The following KYNU variants were observed in gnomAD, a reference collection of about 807,000 sequenced individuals.
KYNU encodes the protein kynureninase.
In KYNU, 54 loss-of-function variants were observed where a neutral mutation model predicts 59.2. That is an observed-to-expected ratio of 0.91 (90% confidence interval 0.73 to 1.14). The LOEUF (loss-of-function observed/expected upper bound fraction) is 1.14. Among genes scored for constraint, KYNU ranks in the 50% most tolerant of loss-of-function variants. The pLI is 0.00. For missense variants in KYNU, 567 were observed against 554.4 expected, an observed-to-expected ratio of 1.02 and a Z score of -0.23; for synonymous variants, 177 against 192.0, an observed-to-expected ratio of 0.92 and a Z score of 0.65.
intron 10 of KYNU, among the ~76,000 whole-genome samples, chr2:143,028,622 G>C (rs1686647755): frequency 6.7e-6 from 1 of 150,372 alleles, no homozygotes; most frequent in Non-Finnish European, 1.5e-5. Flanking sequence ...GAGGCGGGCT[G>C]ATCACCTGAG....
chr2:142,917,178 C>A (rs540197347), intron 2 of KYNU, among the ~76,000 whole-genome samples: 2 of 152,222 alleles, frequency 1.3e-5, no homozygotes, highest in East Asian at 3.9e-4. Flanking sequence ...AAGGTAAATA[C>A]AATAAATGCT....
At chr2:143,012,105 G>A (rs913345315) in intron 10 of KYNU, among the ~76,000 whole-genome samples, 5 of 151,566 alleles carry the variant, frequency 3.3e-5, no homozygotes, top group South Asian at 2.1e-4. Flanking sequence ...TCCCCAAAGC[G>A]GAGGGTGTCC....
At chr2:142,894,501 A>G (rs992178578) in intron 2 of KYNU, among the ~76,000 whole-genome samples, 32 of 152,188 alleles carry the variant, frequency 2.1e-4, no homozygotes, top group Admixed American at 2.6e-4. Context: ...ATTTTACAAC[A>G]TGAGCACCTC....
At chr2:142,937,038 T>C (rs1412350999) in intron 4 of KYNU, among the ~76,000 whole-genome samples, 2 of 151,816 alleles carry the variant, frequency 1.3e-5, no homozygotes, top group African/African-American at 2.4e-5. Flanking sequence ...GGGATAAAGG[T>C]TTTATAGTCT....
chr2:143,031,933 A>G (rs890653800), intron 11 of KYNU, among the ~76,000 whole-genome samples: 4 of 152,130 alleles, frequency 2.6e-5, no homozygotes, highest in Non-Finnish European at 5.9e-5. Flanking sequence ...CAAGGCACAT[A>G]TGAGGTGATG....
At chr2:143,029,730 A>G (rs769964137) in intron 11 of KYNU, 51 bp downstream of exon 11, 23 of 1,067,016 alleles carry the variant, frequency 2.2e-5, no homozygotes, top group African/African-American at 7.8e-5. Context: ...CTTTATTTCA[A>G]TGTTCATCTG....
intron 2 of KYNU, among the ~76,000 whole-genome samples, chr2:142,898,794 T>C (rs746531049): frequency 7.9e-5 from 12 of 152,138 alleles, no homozygotes; most frequent in Non-Finnish European, 1.6e-4. Context: ...ATTCCAAGAA[T>C]GGAATCTTGG....
At position 143,049,975 on chromosome 2, in the gene KYNU, T is replaced by C. The variant is rs1687235724; in HGVS notation, c.*7803T>C. 1 of 149,710 alleles carries C rather than the reference T, an allele frequency of 6.7e-6. No homozygotes were observed. The highest frequency in any genetic ancestry group is 2.4e-5 in the African/African-American group (1 of 41,038). 9.3% of individuals were successfully genotyped at this position (149,710 alleles called of 1,614,324 possible). A position where few individuals can be genotyped will look rare whatever the true frequency, so the allele number is the denominator to read the frequency against. On this transcript the variant is annotated 3_prime_UTR_variant, in exon 14 of 14. Coordinates refer to ENST00000264170, the MANE Select transcript of KYNU (RefSeq NM_003937.3). ...CACTTTAAATTCTTGTTTTCGGTTT[T>C]TTTCCAATCACATAAGTAGGATTTA...
At chr2:143,014,309 A>G (rs1387199517) in intron 10 of KYNU, among the ~76,000 whole-genome samples, 2 of 152,168 alleles carry the variant, frequency 1.3e-5, no homozygotes, top group Non-Finnish European at 2.9e-5. Flanking sequence ...ATGGAGTACA[A>G]CCTGGCTAAG....
At chr2:142,912,077 A>C (rs1573780381) in intron 2 of KYNU, among the ~76,000 whole-genome samples, 1 of 151,986 alleles carries the variant, frequency 6.6e-6, no homozygotes, top group Admixed American at 6.6e-5. Context: ...TGAGTCGGGG[A>C]GGAGTCACCC....
chr2:143,013,390 G>T (rs906421269), intron 10 of KYNU, among the ~76,000 whole-genome samples: 10 of 151,404 alleles, frequency 6.6e-5, no homozygotes, highest in Middle Eastern at 6.8e-3. Flanking sequence ...ACAATTTTTT[G>T]AATATGCTGC....
At chr2:142,913,539 T>C (rs1682573692) in intron 2 of KYNU, among the ~76,000 whole-genome samples, 1 of 152,220 alleles carries the variant, frequency 6.6e-6, no homozygotes, top group Admixed American at 6.5e-5. Flanking sequence ...CTACTTTTAT[T>C]CCACTGTGGT....
rs1687209439 is a variant in KYNU at position 143,048,551 on chromosome 2, T to C, written c.*6379T>C. The C allele has an allele frequency of 6.6e-6, 1 of 152,220 alleles. No homozygotes were observed. Among genetic ancestry groups the C allele is most frequent in the African/African-American group, 2.4e-5 (1 of 41,472 alleles). 9.4% of individuals were successfully genotyped at this position (152,220 alleles called of 1,614,324 possible). A position where few individuals can be genotyped will look rare whatever the true frequency, so the allele number is the denominator to read the frequency against. On this transcript the variant is annotated 3_prime_UTR_variant, in exon 14 of 14. Coordinates refer to ENST00000264170, the MANE Select transcript of KYNU (RefSeq NM_003937.3). Reference sequence around the variant, plus strand: ...GAATTTTATTTATGGATGAAGTACATATATAATTTATTACAATTCATTTTA... The same window carrying C: ...GAATTTTATTTATGGATGAAGTACACATATAATTTATTACAATTCATTTTA...
intron 4 of KYNU, among the ~76,000 whole-genome samples, chr2:142,949,504 G>A (rs1683913757): frequency 6.6e-6 from 1 of 152,218 alleles, no homozygotes; most frequent in Non-Finnish European, 1.5e-5. Context: ...GCACTCACAA[G>A]CTCAACACCA....
chr2:143,026,459 G>A (rs1686561759), intron 10 of KYNU, among the ~76,000 whole-genome samples: 1 of 152,248 alleles, frequency 6.6e-6, no homozygotes, highest in East Asian at 1.9e-4. Context: ...CTCCTCGCGG[G>A]AGGGAGTGCA....
intron 2 of KYNU, among the ~76,000 whole-genome samples, chr2:142,896,485 AT>A (rs1463710915): frequency 1.3e-5 from 2 of 151,574 alleles, no homozygotes; most frequent in African/African-American, 4.8e-5. Flanking sequence ...TTTTAATTGG[AT>A]TTTTTGTTTT....
intron 8 of KYNU, among the ~76,000 whole-genome samples, chr2:142,972,005 C>T (rs71423227): frequency 0.011 from 1,678 of 152,152 alleles, 15 homozygotes; most frequent in Middle Eastern, 0.02. Context: ...GCTATTTTTC[C>T]CATCTTGAGT....
At chr2:142,978,543 T>C (rs1684954431) in intron 8 of KYNU, among the ~76,000 whole-genome samples, 1 of 152,144 alleles carries the variant, frequency 6.6e-6, no homozygotes. Context: ...ACCATAATGA[T>C]AGTGGCACTG....
intron 8 of KYNU, among the ~76,000 whole-genome samples, chr2:142,977,386 T>TGTG (rs1684923640): frequency 6.7e-6 from 1 of 150,342 alleles, no homozygotes; most frequent in Non-Finnish European, 1.5e-5. Context: ...TATATATATA[T>TGTG]GAATAATCAT....
Sources: gnomAD v4.1 joint callset for allele counts (sites outside exome capture counted in the v4.1 genomes callset) on GRCh38, gnomAD v4.1.1 for gene constraint, MANE v1.5 for transcripts, NCBI Gene and HGNC (gene_info 2026-07-23, HGNC 2026-07-21) for gene names.